The following PCDH11X variants were observed in gnomAD, a reference collection of about 807,000 sequenced individuals.
The protein encoded by PCDH11X is protocadherin 11 X-linked.
A neutral mutation model predicts 53.3 loss-of-function variants in PCDH11X; 18 were observed. The ratio of observed to expected loss-of-function variants is 0.34; its 90% confidence interval spans 0.23 to 0.50. The LOEUF (loss-of-function observed/expected upper bound fraction) is 0.50, where lower values mean the gene tolerates loss of function less well. Ranked by LOEUF, PCDH11X falls within the 20% of genes least tolerant of loss-of-function variation. PCDH11X has a pLI of 0.98. For synonymous variants in PCDH11X, 279 were observed against 393.3 expected (o/e 0.71, Z 3.44); for missense variants, 570 against 1,032.4 (o/e 0.55, Z 6.14).
intron 6 of PCDH11X, among the ~76,000 whole-genome samples, chrX:92,126,491 C>T (rs894868411): frequency 9.1e-6 from 1 of 110,001 alleles, no homozygotes; most frequent in African/African-American, 3.3e-5. Context: ...TGCCTGTAAT[C>T]CCAGCTACTC....
intron 10 of PCDH11X, among the ~76,000 whole-genome samples, chrX:92,605,210 A>G (rs1170321979): frequency 1.8e-5 from 2 of 110,189 alleles, no homozygotes; most frequent in African/African-American, 6.7e-5. Flanking sequence ...ACTCATCCAG[A>G]ATATGTCTTT....
chrX:92,331,384 C>CTCCTCCTCT (rs1236291453), intron 8 of PCDH11X, among the ~76,000 whole-genome samples: 1 of 99,812 alleles, frequency 1.0e-5, no homozygotes, highest in African/African-American at 3.7e-5. Flanking sequence ...CCTCCTCCTC[C>CTCCTCCTCT]TCCTCCTCTT....
chrX:92,579,177 AT>A (rs1232386396), intron 10 of PCDH11X, among the ~76,000 whole-genome samples: 2 of 99,880 alleles, frequency 2.0e-5, no homozygotes, highest in African/African-American at 3.8e-5. Context: ...TGTCCTTAAT[AT>A]TTTTTTCCTT....
intron 6 of PCDH11X, among the ~76,000 whole-genome samples, chrX:92,075,829 G>A (rs2063764675): frequency 9.0e-6 from 1 of 110,911 alleles, no homozygotes; most frequent in South Asian, 3.8e-4. Flanking sequence ...TACACATGGG[G>A]AAATTGAGCT....
At chrX:92,033,938 T>G (rs1296554645) in intron 6 of PCDH11X, among the ~76,000 whole-genome samples, 1 of 110,758 alleles carries the variant, frequency 9.0e-6, no homozygotes. Context: ...CCCATAGGTT[T>G]TGATATGTTG....
chrX:91,937,658 T>C (rs1236701270), intron 6 of PCDH11X, among the ~76,000 whole-genome samples: 4 of 110,827 alleles, frequency 3.6e-5, no homozygotes, highest in Non-Finnish European at 7.6e-5. Flanking sequence ...AGTGATTAGA[T>C]TTATTAACTA....
At chrX:92,090,887 C>T (rs183184744) in intron 6 of PCDH11X, among the ~76,000 whole-genome samples, 3 of 112,085 alleles carry the variant, frequency 2.7e-5, no homozygotes, top group East Asian at 5.6e-4. Flanking sequence ...GGTTGAAGTT[C>T]GTGAGAGCAG....
At chrX:91,920,149 G>T (rs1260488869) in intron 6 of PCDH11X, among the ~76,000 whole-genome samples, 3 of 111,522 alleles carry the variant, frequency 2.7e-5, no homozygotes, top group Non-Finnish European at 5.7e-5. Context: ...TTCATTAGTG[G>T]GACTTTTCTT....
intron 10 of PCDH11X, among the ~76,000 whole-genome samples, chrX:92,551,243 C>T (rs758024534): frequency 3.6e-5 from 4 of 111,608 alleles, no homozygotes; most frequent in African/African-American, 1.3e-4. Flanking sequence ...TCTGTGCTAG[C>T]ATTTGTTATT....
chrX:92,598,613 T>A (rs1318573188), intron 10 of PCDH11X, among the ~76,000 whole-genome samples: 1 of 93,997 alleles, frequency 1.1e-5, no homozygotes, highest in Non-Finnish European at 2.1e-5. Context: ...GAATGTAAAT[T>A]AGTACAACCA....
intron 9 of PCDH11X, among the ~76,000 whole-genome samples, chrX:92,401,699 T>A (rs2071390913): frequency 8.9e-6 from 1 of 112,315 alleles, no homozygotes; most frequent in Admixed American, 9.5e-5. Context: ...ACATCTGGAA[T>A]GCTGAATGTC....
chrX:92,394,812 T>A (rs1396963820), intron 9 of PCDH11X, among the ~76,000 whole-genome samples: 3 of 111,495 alleles, frequency 2.7e-5, no homozygotes, highest in Admixed American at 9.6e-5. Context: ...GAGTGAGGAG[T>A]ATTATAGCAA....
chrX:92,120,729 C>T (rs927609494), intron 6 of PCDH11X, among the ~76,000 whole-genome samples: 1 of 111,765 alleles, frequency 8.9e-6, no homozygotes, highest in East Asian at 2.8e-4. Context: ...TTTCACAAAG[C>T]GACAATTACA....
At chrX:91,999,132 C>G (rs2062468236) in intron 6 of PCDH11X, among the ~76,000 whole-genome samples, 1 of 109,885 alleles carries the variant, frequency 9.1e-6, no homozygotes, top group Non-Finnish European at 1.9e-5. Flanking sequence ...CCTGGCTGGT[C>G]TCAAACTTCT....
At chrX:92,601,925 C>T (rs1410613527) in intron 10 of PCDH11X, among the ~76,000 whole-genome samples, 1 of 111,852 alleles carries the variant, frequency 8.9e-6, no homozygotes, top group African/African-American at 3.3e-5. Context: ...GTCTGTGTTG[C>T]AGAAGCTCTA....
chrX:92,441,737 G>C (rs1311585055), intron 9 of PCDH11X, among the ~76,000 whole-genome samples: 3 of 112,182 alleles, frequency 2.7e-5, no homozygotes, highest in Non-Finnish European at 5.6e-5. Flanking sequence ...GTAGGGAAAT[G>C]TGGGGTCGGC....
chrX:92,022,435 G>A (rs918496697), intron 6 of PCDH11X, among the ~76,000 whole-genome samples: 1 of 108,171 alleles, frequency 9.2e-6, no homozygotes, highest in Non-Finnish European at 1.9e-5. Flanking sequence ...GACAAAGAAG[G>A]GCATTACATA....
intron 7 of PCDH11X, among the ~76,000 whole-genome samples, chrX:92,242,337 G>C (rs905828619): frequency 1.8e-5 from 2 of 111,206 alleles, no homozygotes; most frequent in East Asian, 5.7e-4. Context: ...CTTGAGCCCA[G>C]GAGTTTGAGG....
intron 8 of PCDH11X, among the ~76,000 whole-genome samples, chrX:92,351,472 T>C (rs2070048619): frequency 8.9e-6 from 1 of 111,734 alleles, no homozygotes; most frequent in African/African-American, 3.3e-5. Flanking sequence ...CTTTAATATT[T>C]ACATTGAATA....
Sources: allele counts gnomAD v4.1 joint callset (sites outside exome capture counted in the v4.1 genomes callset), GRCh38; gene constraint gnomAD v4.1.1; transcripts MANE v1.5; gene names NCBI Gene and HGNC (gene_info 2026-07-23, HGNC 2026-07-21).